Variants in EVC observed in about 807,000 individuals in gnomAD.
The protein encoded by EVC is evC complex member EVC.
EVC carries 116 observed loss-of-function variants against 118.9 expected under a neutral mutation model. The observed-to-expected ratio is 0.98, with a 90% CI of 0.84 to 1.14. The LOEUF is 1.14. EVC is among the 50% of genes most tolerant of loss of function. The probability of loss-of-function intolerance (pLI) is 0.00; values close to 1 mark genes in which losing one functional copy is unlikely to be tolerated. For missense variants in EVC, 1,401 were observed against 1,246.4 expected (o/e 1.12, Z -1.87); for synonymous variants, 619 against 534.7 (o/e 1.16, Z -2.18).
intron 11 of EVC, among the ~76,000 whole-genome samples, chr4:5,774,926 A>T (rs541304045): frequency 6.6e-6 from 1 of 152,182 alleles, no homozygotes; most frequent in Non-Finnish European, 1.5e-5. Context: ...GGCCTGTCAG[A>T]CCATGTGACA....
At chr4:5,759,635 T>A (rs188975263) in intron 11 of EVC, among the ~76,000 whole-genome samples, 5 of 152,310 alleles carry the variant, frequency 3.3e-5, no homozygotes, top group African/African-American at 1.2e-4. Context: ...TTAAGGAAAT[T>A]GAGGTACAGG....
In EVC at chr4:5,752,646, T is replaced by G; in HGVS notation, c.1099-190T>G. The G allele has an allele frequency of 5.9e-6, 4 of 680,346 alleles. 1 individual carries two copies. In the South Asian group the frequency reaches 6.8e-5, roughly 12 times the overall value. The allele number at this position is 680,346 out of a possible 1,614,324, so 42.1% of individuals were successfully genotyped here. On this transcript the variant is annotated intron_variant, in intron 8 of 20. Transcript: ENST00000264956. Reference sequence around the variant, plus strand: ...CTCCCCGCACCCTAGGAGAGACACTTAATCCCCACCTCGGGGGCAGACGCA... The same window carrying G: ...CTCCCCGCACCCTAGGAGAGACACTGAATCCCCACCTCGGGGGCAGACGCA...
At chr4:5,740,357 C>G (rs574415131) in intron 5 of EVC, among the ~76,000 whole-genome samples, 3 of 151,326 alleles carry the variant, frequency 2.0e-5, no homozygotes, top group Non-Finnish European at 4.4e-5. Context: ...TGTAATCCCA[C>G]CTACTTGGGA....
chr4:5,732,703 G>A (rs1369418233), intron 4 of EVC, among the ~76,000 whole-genome samples: 1 of 151,804 alleles, frequency 6.6e-6, no homozygotes, highest in Non-Finnish European at 1.5e-5. Context: ...AAGGTGACAC[G>A]TGATGATAGA....
intron 13 of EVC, among the ~76,000 whole-genome samples, chr4:5,793,956 A>T (rs1713278637): frequency 6.6e-6 from 1 of 152,086 alleles, no homozygotes; most frequent in Non-Finnish European, 1.5e-5. Context: ...TATAGTTTAC[A>T]TACATTTATT....
intron 11 of EVC, among the ~76,000 whole-genome samples, chr4:5,776,088 G>A (rs1291474384): frequency 1.3e-5 from 2 of 151,772 alleles, no homozygotes; most frequent in East Asian, 3.9e-4. Context: ...TGTTTCTCAT[G>A]CATAGAAATT....
chr4:5,796,109 G>T (rs1431178168), intron 13 of EVC, among the ~76,000 whole-genome samples: 2 of 152,130 alleles, frequency 1.3e-5, no homozygotes, highest in East Asian at 1.9e-4. Context: ...CTCCTGAGTT[G>T]TTCATGTCAG....
At chr4:5,725,547 C>T (rs1475204665) in intron 2 of EVC, among the ~76,000 whole-genome samples, 1 of 152,104 alleles carries the variant, frequency 6.6e-6, no homozygotes. Flanking sequence ...TGTTCATGTC[C>T]TTTGCCCACT....
chr4:5,816,455 A>G (rs1717688171), downstream of EVC, among the ~76,000 whole-genome samples: 1 of 152,112 alleles, frequency 6.6e-6, no homozygotes, highest in Admixed American at 6.5e-5. Context: ...AGCCCACATG[A>G]CAGGGCTCCT....
chr4:5,753,819 G>A lies in EVC; in HGVS notation c.1350G>A (p.Ala450=), dbSNP rs752575646. ...AGCGAGGCAAAGACCTGGTCACGGC[G>A]TCTCTGGCTCACCAGGTGGAGGGAA... ...FVQRGKDLVT[A]SLAHQVEGTA... Residue 450 remains alanine, a synonymous_variant, in exon 10 of 21, where the codon GCG becomes GCA. Coordinates refer to ENST00000264956, the MANE Select transcript of EVC (RefSeq NM_153717.3). 170 of 1,614,002 alleles carry A rather than the reference G, an allele frequency of 1.1e-4. No homozygotes were observed. Among genetic ancestry groups the A allele is most frequent in the Middle Eastern group, 1.6e-4 (1 of 6,064 alleles).
rs535015516 is a variant in EVC, at chr4:5,733,863, G to T, written c.702+428G>T. On this transcript the variant is annotated intron_variant, in intron 5 of 20. Transcript: ENST00000264956. Reference sequence around the variant, plus strand: ...AAACCTCAGCACAACCCAGAGGGGCGGGTGTCATTATCATGTCCACTCTGC... The same window carrying T: ...AAACCTCAGCACAACCCAGAGGGGCTGGTGTCATTATCATGTCCACTCTGC... Among the ~76,000 whole-genome samples, 9 of 152,268 alleles carry T rather than the reference G, an allele frequency of 5.9e-5. No homozygotes were observed. In the East Asian group the frequency reaches 1.5e-3, roughly 26 times the overall value.
Position 5,783,598 on chromosome 4 carries a change from C to A in EVC, c.1610C>A (p.Ala537Asp). The part of the protein sequence containing the change: ...TVDTFQKFVD[A>D]LFLQTLPGMT... ...GACACTTTCCAGAAGTTCGTGGATG[C>A]CCTGTTCCTTCAGACGCTCCCTGGC... Residue 537 changes from alanine (A) to aspartate (D), a missense_variant, in exon 12 of 21, where the codon GCC (alanine) becomes GAC (aspartate). Physicochemically the swap from Ala to Asp is moderately radical, Grantham distance 126. Coordinates refer to ENST00000264956, the MANE Select transcript of EVC (RefSeq NM_153717.3). The A allele has an allele frequency of 6.2e-7, 1 of 1,614,166 alleles. No homozygotes were observed. The highest frequency in any genetic ancestry group is 8.5e-7 in the Non-Finnish European group (1 of 1,180,040).
intron 12 of EVC, among the ~76,000 whole-genome samples, chr4:5,791,175 G>A (rs1712712917): frequency 6.6e-6 from 1 of 152,192 alleles, no homozygotes; most frequent in South Asian, 2.1e-4. Flanking sequence ...TTAAATTGTG[G>A]CTAAAGAAAC....
chr4:5,779,414 C>G (rs748537556), intron 11 of EVC, among the ~76,000 whole-genome samples: 2 of 147,934 alleles, frequency 1.4e-5, no homozygotes, highest in South Asian at 2.1e-4. Context: ...GGCATTGAAT[C>G]TATAAATTAC....
At chr4:5,826,797 T>TCTGCAGGTGATAGCAC in the EVC span, 2 of 152,564 alleles carry the variant, frequency 1.3e-5, no homozygotes, top group Non-Finnish European at 2.9e-5. Flanking sequence ...TCCCTCCTTC[T>TCTGCAGGTGATAGCAC]CTGCAGGTGA....
rs1731144621 is a variant in EVC at position 5,756,219 on chromosome 4, A to C, written c.1465-45A>C. 6.7e-7 allele frequency: 1 copy of C among 1,487,262 alleles called. No individual in the cohort carries two copies. Among genetic ancestry groups the C allele is most frequent in the African/African-American group, 1.4e-5 (1 of 72,252 alleles). 92.1% of individuals were successfully genotyped at this position (1,487,262 alleles called of 1,614,324 possible). A position where few individuals can be genotyped will look rare whatever the true frequency, so the allele number is the denominator to read the frequency against. On this transcript the variant is annotated intron_variant, in intron 10 of 20. Transcript: ENST00000264956. The surrounding 1 kb of genome is among the most constrained non-coding windows in gnomAD (Gnocchi z 4.2). ...AGAACCTTCTGGAAAAAAAAAAAAA[A>C]ACCCTGCATGTTTCTACCAGACTCA...
At chr4:5,784,606 ATTTTTTTTT>A (rs35237111) in intron 12 of EVC, among the ~76,000 whole-genome samples, 5 of 111,218 alleles carry the variant, frequency 4.5e-5, no homozygotes, top group African/African-American at 1.1e-4. Context: ...ATACACATTG[ATTTTTTTTT>A]TTTTTTTTTT....
At chr4:5,783,841 C>A in intron 12 of EVC, 77 bp downstream of exon 12, 1 of 1,341,594 alleles carries the variant, frequency 7.5e-7, no homozygotes, top group Non-Finnish European at 1.0e-6. Context: ...ATCTCACGTC[C>A]TGAACACCCA....
At chr4:5,796,628 G>A (rs1385448486) in intron 13 of EVC, among the ~76,000 whole-genome samples, 2 of 151,926 alleles carry the variant, frequency 1.3e-5, no homozygotes, top group Non-Finnish European at 2.9e-5. Context: ...GACACCTCAA[G>A]TTATACAACC....
Sources: gnomAD v4.1 joint callset for allele counts (sites outside exome capture counted in the v4.1 genomes callset) on GRCh38, gnomAD v4.1.1 for gene constraint, Gnocchi (gnomAD v3.1) non-coding constraint, MANE v1.5 for transcripts, NCBI Gene and HGNC (gene_info 2026-07-23, HGNC 2026-07-21) for gene names.